Variants in NKAIN2 observed in about 807,000 individuals in gnomAD.
NKAIN2 encodes sodium/potassium-transporting ATPase subunit beta-1-interacting protein 2.
Under a neutral mutation model 32.6 loss-of-function variants are expected in NKAIN2, and 14 were observed. That is an observed-to-expected ratio of 0.43 (90% confidence interval 0.28 to 0.67). The LOEUF (loss-of-function observed/expected upper bound fraction) is 0.67. Among genes scored for constraint, NKAIN2 ranks in the 30% least tolerant of loss-of-function variants. The pLI is 0.17. For missense variants in NKAIN2, 198 were observed against 258.3 expected, an observed-to-expected ratio of 0.77 and a Z score of 1.60; for synonymous variants, 80 against 87.2, an observed-to-expected ratio of 0.92 and a Z score of 0.46.
intron 1 of NKAIN2, among the ~76,000 whole-genome samples, chr6:124,051,364 T>C (rs963391017): frequency 2.0e-5 from 3 of 152,070 alleles, no homozygotes; most frequent in African/African-American, 4.8e-5. Flanking sequence ...TTTTTAATAA[T>C]AGTGACTCAT....
At chr6:124,782,290 G>A (rs1471635223) in intron 4 of NKAIN2, among the ~76,000 whole-genome samples, 1 of 151,926 alleles carries the variant, frequency 6.6e-6, no homozygotes, top group Non-Finnish European at 1.5e-5. Flanking sequence ...ATTAATCAAT[G>A]CATTATTTTT....
chr6:123,804,050 C>A lies in NKAIN2; in HGVS notation c.-151C>A. On this transcript the variant is annotated 5_prime_UTR_variant, in exon 1 of 7. Coordinates refer to ENST00000368417, the MANE Select transcript of NKAIN2 (RefSeq NM_001040214.3). The stretch of plus-strand genomic sequence containing the variant: ...CGCGCCAGCAGGTCCTAATGCCTGT[C>A]ACTTCCCAGGACGCTGGCAGCAGCA... The A allele has an allele frequency of 1.3e-6, 1 of 770,918 alleles. No individual in the cohort carries two copies. The allele number at this position is 770,918 out of a possible 1,614,324, so 47.8% of individuals were successfully genotyped here.
chr6:124,808,314 G>T (rs896765343), intron 5 of NKAIN2, among the ~76,000 whole-genome samples: 6 of 151,760 alleles, frequency 4.0e-5, no homozygotes, highest in Non-Finnish European at 8.8e-5. Flanking sequence ...TCCCTGGGAT[G>T]CAAGGCTGGT....
At chr6:124,778,375 A>C (rs533007405) in intron 4 of NKAIN2, among the ~76,000 whole-genome samples, 35 of 151,786 alleles carry the variant, frequency 2.3e-4, no homozygotes, top group Non-Finnish European at 3.4e-4. Context: ...AAAGCCCTGC[A>C]TAGGGGACAA....
chr6:124,724,851 A>G (rs537670542), intron 4 of NKAIN2, among the ~76,000 whole-genome samples: 11 of 152,304 alleles, frequency 7.2e-5, no homozygotes, highest in African/African-American at 2.6e-4. Flanking sequence ...GCCCATAAAT[A>G]TGTTCACATA....
intron 1 of NKAIN2, among the ~76,000 whole-genome samples, chr6:124,162,313 C>G (rs1327408841): frequency 6.6e-6 from 1 of 152,040 alleles, no homozygotes; most frequent in Non-Finnish European, 1.5e-5. Context: ...TTCTTCTACT[C>G]AAGTTATTAT....
At chr6:124,159,160 T>C (rs548556664) in intron 1 of NKAIN2, among the ~76,000 whole-genome samples, 1 of 152,312 alleles carries the variant, frequency 6.6e-6, no homozygotes, top group African/African-American at 2.4e-5. Flanking sequence ...AACCTTACAA[T>C]AATATGAAAG....
At chr6:124,422,260 T>A (rs1774789346) in intron 3 of NKAIN2, among the ~76,000 whole-genome samples, 1 of 152,094 alleles carries the variant, frequency 6.6e-6, no homozygotes, top group African/African-American at 2.4e-5. Context: ...AATTGCCTTC[T>A]TTGTGGGATC....
intron 1 of NKAIN2, among the ~76,000 whole-genome samples, chr6:124,129,027 A>G (rs1459916755): frequency 6.6e-6 from 1 of 152,220 alleles, no homozygotes; most frequent in Non-Finnish European, 1.5e-5. Flanking sequence ...TCCAGGTGAC[A>G]GTAATACTGC....
At chr6:123,838,012 C>A (rs79568016) in intron 1 of NKAIN2, among the ~76,000 whole-genome samples, 4,556 of 152,094 alleles carry the variant, frequency 0.03, 108 homozygotes, top group Non-Finnish European at 0.044. Flanking sequence ...TAGGATCTTG[C>A]AGAAGAAACA....
chr6:124,096,775 G>A (rs234474), intron 1 of NKAIN2, among the ~76,000 whole-genome samples: 150,469 of 150,846 alleles, frequency 1, 75,049 homozygotes, highest in Middle Eastern at 1. Context: ...GGGGAATGGC[G>A]TGAACCTGGG....
intron 4 of NKAIN2, among the ~76,000 whole-genome samples, chr6:124,717,990 T>C (rs1047939736): frequency 6.6e-6 from 1 of 152,076 alleles, no homozygotes; most frequent in African/African-American, 2.4e-5. Context: ...ATCATCTAAT[T>C]AACAGAACAA....
chr6:123,894,031 G>A (rs957935176), intron 1 of NKAIN2, among the ~76,000 whole-genome samples: 20 of 152,104 alleles, frequency 1.3e-4, no homozygotes, highest in African/African-American at 4.8e-4. Context: ...TTTTGTTTGG[G>A]TACTACAAGT....
At chr6:124,126,245 G>A (rs1173950016) in intron 1 of NKAIN2, among the ~76,000 whole-genome samples, 20 of 152,144 alleles carry the variant, frequency 1.3e-4, no homozygotes, top group Non-Finnish European at 2.8e-4. Context: ...GTCACACCTG[G>A]AATCTAATCC....
chr6:124,275,843 C>T (rs781158003), intron 1 of NKAIN2, among the ~76,000 whole-genome samples: 13 of 151,936 alleles, frequency 8.6e-5, no homozygotes, highest in Non-Finnish European at 1.6e-4. Flanking sequence ...TAATAGCATC[C>T]ATTTTAAGAT....
At chr6:124,089,384 T>G (rs1257498527) in intron 1 of NKAIN2, among the ~76,000 whole-genome samples, 1 of 151,818 alleles carries the variant, frequency 6.6e-6, no homozygotes, top group African/African-American at 2.4e-5. Flanking sequence ...GCAGCTATTG[T>G]TCTCTTCTTT....
intron 1 of NKAIN2, among the ~76,000 whole-genome samples, chr6:123,831,923 G>A (rs1774402955): frequency 6.6e-6 from 1 of 152,094 alleles, no homozygotes; most frequent in Non-Finnish European, 1.5e-5. Context: ...CAAAGTGCTG[G>A]GATTACAGGC....
intron 1 of NKAIN2, among the ~76,000 whole-genome samples, chr6:124,053,175 CAGATT>C (rs1368956344): frequency 1.3e-5 from 2 of 151,914 alleles, no homozygotes; most frequent in African/African-American, 4.8e-5. Context: ...GTTTGTTGCA[CAGATT>C]ATTTCATCAC....
chr6:124,000,910 A>C (rs557896092), intron 1 of NKAIN2, among the ~76,000 whole-genome samples: 1 of 152,170 alleles, frequency 6.6e-6, no homozygotes, highest in East Asian at 1.9e-4. Flanking sequence ...TCTTTGGTTA[A>C]TTGTCTCTCT....
Sources: gnomAD v4.1 joint callset for allele counts (sites outside exome capture counted in the v4.1 genomes callset) on GRCh38, gnomAD v4.1.1 for gene constraint, MANE v1.5 for transcripts, NCBI Gene and HGNC (gene_info 2026-07-23, HGNC 2026-07-21) for gene names.